Variants in KAZN observed in about 807,000 individuals in gnomAD.
KAZN encodes the protein kazrin.
Under a neutral mutation model 87.4 loss-of-function variants are expected in KAZN, and 40 were observed. That is an observed-to-expected ratio of 0.46 (90% CI 0.36 to 0.60). KAZN has a LOEUF of 0.60. KAZN is among the 20% of genes least tolerant of loss of function. The pLI is 0.00. For synonymous variants in KAZN, 466 were observed against 458.3 expected (o/e 1.02, Z -0.22); for missense variants, 898 against 1,073.9 (o/e 0.84, Z 2.29).
At chr1:14,214,291 A>G (rs1646915132) in intron 2 of KAZN, among the ~76,000 whole-genome samples, 1 of 152,176 alleles carries the variant, frequency 6.6e-6, no homozygotes, top group Non-Finnish European at 1.5e-5. Flanking sequence ...GAATTTGCTT[A>G]TCGGTTTGTT....
intron 1 of KAZN, among the ~76,000 whole-genome samples, chr1:14,106,672 C>T (rs1376260956): frequency 3.9e-5 from 6 of 152,136 alleles, no homozygotes; most frequent in Admixed American, 3.9e-4. Flanking sequence ...GAGTGATGAT[C>T]CCTGTTATTC....
intron 2 of KAZN, among the ~76,000 whole-genome samples, chr1:14,186,586 G>A (rs548435461): frequency 2.0e-4 from 30 of 152,220 alleles, no homozygotes; most frequent in Admixed American, 2.6e-4. Context: ...TCAAATTCTT[G>A]GAAAACTCTG....
chr1:15,079,714 G>C (rs1235245601), intron 8 of KAZN, among the ~76,000 whole-genome samples: 1 of 152,158 alleles, frequency 6.6e-6, no homozygotes, highest in Admixed American at 6.5e-5. Flanking sequence ...TGGCAGAGAA[G>C]CCTGCCGGGA....
chr1:15,077,996 G>T lies in KAZN; in HGVS notation c.1222+12243G>T, dbSNP rs565948296. Reference sequence around the variant, plus strand: ...TCCTATATGCCAGGTTTAGGGCTTAGGGCTGAGGATGCAGATGTGGATGAT... The same window carrying T: ...TCCTATATGCCAGGTTTAGGGCTTATGGCTGAGGATGCAGATGTGGATGAT... On this transcript the variant is annotated intron_variant, in intron 8 of 14. Transcript: ENST00000376030. This position sits in a 1 kb window ranked among gnomAD's most constrained non-coding sequence, Gnocchi z 4.8. Among the ~76,000 whole-genome samples, 4 of 152,220 alleles carry T rather than the reference G, an allele frequency of 2.6e-5. No homozygotes were observed. Among genetic ancestry groups the T allele is most frequent in the Non-Finnish European group, 4.4e-5 (3 of 68,044 alleles).
intron 1 of KAZN, among the ~76,000 whole-genome samples, chr1:14,736,305 T>A (rs34898838): frequency 0.35 from 44,814 of 128,170 alleles, 7,847 homozygotes; most frequent in Middle Eastern, 0.48. Flanking sequence ...GTGTGTATAT[T>A]TTTTTTTTTT....
At chr1:14,140,440 C>T (rs1557508553) in intron 1 of KAZN, among the ~76,000 whole-genome samples, 1 of 151,832 alleles carries the variant, frequency 6.6e-6, no homozygotes, top group Non-Finnish European at 1.5e-5. Context: ...AAGATGAAAA[C>T]AGTTAAACGT....
intron 1 of KAZN, among the ~76,000 whole-genome samples, chr1:14,093,124 C>T (rs1220182911): frequency 1.3e-5 from 2 of 152,222 alleles, no homozygotes; most frequent in African/African-American, 4.8e-5. Context: ...GCCTCTGACC[C>T]ACCTCTGCAT....
intron 1 of KAZN, among the ~76,000 whole-genome samples, chr1:14,617,477 A>G (rs907253521): frequency 6.6e-6 from 1 of 152,226 alleles, no homozygotes; most frequent in Non-Finnish European, 1.5e-5. Context: ...AGGGGTTACC[A>G]CAAACCTTTG....
intron 2 of KAZN, among the ~76,000 whole-genome samples, chr1:14,505,701 C>T (rs921133937): frequency 2.0e-5 from 3 of 152,154 alleles, no homozygotes; most frequent in East Asian, 1.9e-4. Flanking sequence ...TGGCTGGGCG[C>T]GGTGGCTCAC....
chr1:13,991,137 T>A (rs1294595778), intron 1 of KAZN, among the ~76,000 whole-genome samples: 1 of 152,032 alleles, frequency 6.6e-6, no homozygotes, highest in Non-Finnish European at 1.5e-5. Flanking sequence ...CAGCTCTTGG[T>A]GGGAGGAGTG....
At chr1:13,916,827 T>G (rs576121207) in intron 1 of KAZN, among the ~76,000 whole-genome samples, 27 of 151,916 alleles carry the variant, frequency 1.8e-4, no homozygotes, top group East Asian at 9.7e-4. Flanking sequence ...GTGGCCTTGC[T>G]GGGGGAGCAG....
chr1:14,163,994 C>G (rs941892651), intron 1 of KAZN, among the ~76,000 whole-genome samples: 3 of 152,172 alleles, frequency 2.0e-5, no homozygotes, highest in African/African-American at 7.2e-5. Context: ...TTTGCTGATA[C>G]TCTTCTCTGA....
intron 1 of KAZN, among the ~76,000 whole-genome samples, chr1:14,662,663 G>A (rs1418838002): frequency 1.3e-5 from 2 of 151,242 alleles, no homozygotes; most frequent in Admixed American, 6.6e-5. Flanking sequence ...GTGTGTGAGT[G>A]TGTGTGTGTG....
At chr1:14,230,351 G>A (rs1195341451) in intron 2 of KAZN, among the ~76,000 whole-genome samples, 1 of 152,298 alleles carries the variant, frequency 6.6e-6, no homozygotes, top group South Asian at 2.1e-4. Context: ...TAACAGCCAG[G>A]CAAAGTGTAC....
chr1:14,130,392 A>G lies in KAZN; in HGVS notation c.92-50043A>G, dbSNP rs374704100. 5.2e-4 allele frequency among the ~76,000 whole-genome samples: 79 copies of G among 152,338 alleles called. 1 individual carries two copies. In the South Asian group the frequency reaches 0.016, roughly 30 times the overall value. On this transcript the variant is annotated intron_variant, in intron 1 of 16. Transcript: ENST00000636203. ...TTCTTCAAAACAAGTGCCTGTTGGT[A>G]TATTTTCACCATTAATAAGCTGATT...
chr1:13,940,198 G>A (rs1289405345), intron 1 of KAZN, among the ~76,000 whole-genome samples: 1 of 152,132 alleles, frequency 6.6e-6, no homozygotes, highest in Non-Finnish European at 1.5e-5. Flanking sequence ...AATAGTTTCA[G>A]TAGGATTGGT....
At chr1:13,893,677 G>A in exon 1 of KAZN, 1 of 1,550,384 alleles carries the variant, frequency 6.5e-7, no homozygotes, top group South Asian at 1.2e-5. Flanking sequence ...TGGAATCCAC[G>A]CTGGCGACAT....
At chr1:15,030,772 G>T (rs1029590526) in intron 2 of KAZN, among the ~76,000 whole-genome samples, 1 of 152,220 alleles carries the variant, frequency 6.6e-6, no homozygotes, top group South Asian at 2.1e-4. Flanking sequence ...TAAGGTTCCA[G>T]CCCAGCAGGC....
chr1:14,864,124 AC>A (rs1651181252), intron 1 of KAZN, among the ~76,000 whole-genome samples: 1 of 152,050 alleles, frequency 6.6e-6, no homozygotes, highest in Non-Finnish European at 1.5e-5. Flanking sequence ...GGAGGATTCT[AC>A]CCCCACCAGC....
Sources: allele counts gnomAD v4.1 joint callset (sites outside exome capture counted in the v4.1 genomes callset), GRCh38; gene constraint gnomAD v4.1.1; non-coding constraint Gnocchi (gnomAD v3.1); transcripts MANE v1.5; gene names NCBI Gene and HGNC (gene_info 2026-07-23, HGNC 2026-07-21).